The following KIAA1549L variants were observed in gnomAD, a reference collection of about 807,000 sequenced individuals.
KIAA1549L encodes UPF0606 protein KIAA1549L.
A neutral mutation model predicts 160.7 loss-of-function variants in KIAA1549L; 88 were observed. The observed-to-expected ratio is 0.55, with a 90% CI of 0.46 to 0.65. The LOEUF is 0.65. Ranked by LOEUF, KIAA1549L falls within the 30% of genes least tolerant of loss-of-function variation. The pLI, the probability that KIAA1549L is intolerant of heterozygous loss-of-function variation, is 0.00. For missense variants in KIAA1549L, 2,258 were observed against 2,437.5 expected (o/e 0.93, Z 1.55); for synonymous variants, 950 against 976.7 (o/e 0.97, Z 0.51).
At chr11:33,503,728 TTCTC>T in intron 1 of KIAA1549L, among the ~76,000 whole-genome samples, 1 of 152,220 alleles carries the variant, frequency 6.6e-6, no homozygotes, top group Middle Eastern at 3.2e-3. Context: ...ACTTGGGAAT[TTCTC>T]TCTCTTGACC....
rs537315772 is a variant in KIAA1549L, at chr11:33,510,597, G to A, written c.239-31205G>A. Among the ~76,000 whole-genome samples, 8 of 152,372 alleles carry A rather than the reference G, an allele frequency of 5.3e-5. No individual in the cohort carries two copies. In the East Asian group the frequency reaches 5.8e-4, roughly 11 times the overall value. Reference sequence around the variant, plus strand: ...CTGAGATGCTCTCCAGAAAGCCCATGTCCTAAAACAGGGGCAGGTAGCCCT... The same window carrying A: ...CTGAGATGCTCTCCAGAAAGCCCATATCCTAAAACAGGGGCAGGTAGCCCT... On this transcript the variant is annotated intron_variant, in intron 1 of 20. Coordinates refer to ENST00000658780, the MANE Select transcript of KIAA1549L (RefSeq NM_012194.3).
chr11:33,630,750 T>A (rs1314925358), intron 16 of KIAA1549L, among the ~76,000 whole-genome samples: 1 of 152,218 alleles, frequency 6.6e-6, no homozygotes, highest in Non-Finnish European at 1.5e-5. Context: ...TCTGCGTCGC[T>A]CACGCTGGGA....
intron 1 of KIAA1549L, among the ~76,000 whole-genome samples, chr11:33,482,721 C>A (rs1167006006): frequency 3.3e-5 from 5 of 151,746 alleles, no homozygotes; most frequent in Non-Finnish European, 7.4e-5. Context: ...AGGCACGTGC[C>A]ACCATACCTG....
chr11:33,446,942 T>C (rs981484596), intron 1 of KIAA1549L, among the ~76,000 whole-genome samples: 1 of 152,192 alleles, frequency 6.6e-6, no homozygotes, highest in Admixed American at 6.5e-5. Flanking sequence ...GGGAAGGGAC[T>C]CTACACAAGC....
In KIAA1549L at chr11:33,645,905, G is replaced by A. The variant is rs143311833; in HGVS notation, c.5629G>A (p.Gly1877Ser). 470 of 1,613,544 alleles carry A rather than the reference G, an allele frequency of 2.9e-4. No individual in the cohort carries two copies. The African/African-American group carries it at 5.4e-3, about 19-fold the overall frequency. Residue 1877 changes from glycine to serine, a missense_variant, in exon 17 of 21, where the codon GGC (glycine) becomes AGC (serine). This residue lies in a region of KIAA1549L where 1,359 missense variants were observed against 1,546.6 expected (regional missense o/e 0.88). Coordinates refer to ENST00000658780, the MANE Select transcript of KIAA1549L (RefSeq NM_012194.3). Reference sequence around the variant, plus strand: ...CCAGAGCCGGCACCAAGAGGCCTACGGCTCAGCCCAGCACCTGCCCTATTC... The same window carrying A: ...CCAGAGCCGGCACCAAGAGGCCTACAGCTCAGCCCAGCACCTGCCCTATTC... ...AGQSRHQEAY[G>S]SAQHLPYSEV... is the part of the protein sequence containing the mutation.
rs1323257808 is a variant in KIAA1549L, at chr11:33,482,333, G to C, written c.239-59469G>C. 3.3e-5 allele frequency among the ~76,000 whole-genome samples: 5 copies of C among 151,190 alleles called. No homozygotes were observed. In the East Asian group the frequency reaches 5.8e-4, roughly 18 times the overall value. On this transcript the variant is annotated intron_variant, in intron 1 of 20. Coordinates refer to ENST00000658780, the MANE Select transcript of KIAA1549L (RefSeq NM_012194.3). ...CTTTTTTTTTCTTGAATAGTTATCT[G>C]CTGGAATTTCTAGAGCTAGGTTAAA... is the stretch of plus-strand genomic sequence containing the variant.
At chr11:33,398,422 T>G (rs911912961) in intron 1 of KIAA1549L, among the ~76,000 whole-genome samples, 2 of 152,182 alleles carry the variant, frequency 1.3e-5, no homozygotes, top group African/African-American at 4.8e-5. Flanking sequence ...GCAGGACATC[T>G]GGGCATGTGA....
chr11:33,615,735 A>G (rs1449310145), intron 15 of KIAA1549L, among the ~76,000 whole-genome samples: 1 of 152,194 alleles, frequency 6.6e-6, no homozygotes, highest in East Asian at 1.9e-4. Flanking sequence ...TCGCTATTGT[A>G]CTTCTAACAC....
chr11:33,451,798 C>T (rs1051254607), intron 1 of KIAA1549L, among the ~76,000 whole-genome samples: 3 of 152,214 alleles, frequency 2.0e-5, no homozygotes, highest in African/African-American at 7.2e-5. Context: ...CCTTTCTCCC[C>T]CTTGAACAAG....
chr11:33,585,258 C>T (rs1855774110), intron 11 of KIAA1549L, among the ~76,000 whole-genome samples: 1 of 152,190 alleles, frequency 6.6e-6, no homozygotes, highest in Admixed American at 6.5e-5. Flanking sequence ...GTGGCTCACG[C>T]CTGTAATCCC....
chr11:33,563,372 T>C (rs1431887766), intron 8 of KIAA1549L, among the ~76,000 whole-genome samples: 1 of 143,608 alleles, frequency 7.0e-6, no homozygotes, highest in African/African-American at 2.6e-5. Flanking sequence ...AAAAAAAGAA[T>C]TGGAAGTGGG....
chr11:33,573,371 A>G, intron 9 of KIAA1549L, among the ~76,000 whole-genome samples: 1 of 152,096 alleles, frequency 6.6e-6, no homozygotes. Flanking sequence ...TTTACCATCC[A>G]CGCCTGTATC....
chr11:33,557,777 T>C (rs1271905547), intron 6 of KIAA1549L, among the ~76,000 whole-genome samples: 1 of 152,030 alleles, frequency 6.6e-6, no homozygotes, highest in African/African-American at 2.4e-5. Flanking sequence ...GTCCCAGCTA[T>C]CCAGGAGGCT....
intron 17 of KIAA1549L, among the ~76,000 whole-genome samples, chr11:33,650,977 T>TC (rs1851866866): frequency 6.6e-6 from 1 of 152,098 alleles, no homozygotes; most frequent in Non-Finnish European, 1.5e-5. Context: ...CTCCACTTCT[T>TC]CCCCCAGGGT....
rs531570382 is a variant in KIAA1549L at position 33,653,896 on chromosome 11, AATC to A, written c.5761-2113_5761-2111del. 7.7e-3 allele frequency among the ~76,000 whole-genome samples: 1,108 copies of A among 144,778 alleles called. 5 individuals carry two copies. Among genetic ancestry groups the A allele is most frequent in the Non-Finnish European group, 0.013 (853 of 66,094 alleles). 95.0% of individuals were successfully genotyped at this position (144,778 alleles called of 152,430 possible). A position where few individuals can be genotyped will look rare whatever the true frequency, so the allele number is the denominator to read the frequency against. ...CTACACTGAATGTTTTTATTTTAAT[AATC>A]ATGTTTCACTTCTGAAAGTTCTATT... On this transcript the variant is annotated intron_variant, in intron 17 of 20. Coordinates refer to ENST00000658780, the MANE Select transcript of KIAA1549L (RefSeq NM_012194.3).
At chr11:33,646,686 C>G (rs1205417824) in intron 17 of KIAA1549L, among the ~76,000 whole-genome samples, 1 of 152,200 alleles carries the variant, frequency 6.6e-6, no homozygotes, top group African/African-American at 2.4e-5. Context: ...AATACTTGTG[C>G]GAGGACATCT....
chr11:33,528,229 C>T (rs1255224792), intron 1 of KIAA1549L, among the ~76,000 whole-genome samples: 1 of 152,116 alleles, frequency 6.6e-6, no homozygotes, highest in Non-Finnish European at 1.5e-5. Context: ...TGAAAAAATG[C>T]TCAAGATCAC....
chr11:33,427,283 G>C (rs1242176110), intron 1 of KIAA1549L, among the ~76,000 whole-genome samples: 1 of 152,098 alleles, frequency 6.6e-6, no homozygotes, highest in Non-Finnish European at 1.5e-5. Context: ...CCTTACCACT[G>C]CCTTAACCTG....
intron 1 of KIAA1549L, among the ~76,000 whole-genome samples, chr11:33,430,178 C>T (rs1330694882): frequency 7.0e-6 from 1 of 143,656 alleles, no homozygotes; most frequent in Non-Finnish European, 1.5e-5. Flanking sequence ...TGCAGTATTT[C>T]CCCACCTACC....
Sources: allele counts gnomAD v4.1 joint callset (sites outside exome capture counted in the v4.1 genomes callset), GRCh38; gene constraint gnomAD v4.1.1; regional missense constraint gnomAD v4.1.1; transcripts MANE v1.5; gene names NCBI Gene and HGNC (gene_info 2026-07-23, HGNC 2026-07-21).